The following GPC6 variants were observed in gnomAD, a reference collection of about 807,000 sequenced individuals.
GPC6 encodes the protein glypican 6.
GPC6 carries 14 observed loss-of-function variants against 55.2 expected under a neutral mutation model. The ratio of observed to expected loss-of-function variants is 0.25; its 90% CI spans 0.17 to 0.40. GPC6 has a LOEUF of 0.40. GPC6 is among the 10% of genes least tolerant of loss of function. GPC6 has a pLI of 1.00. For synonymous variants in GPC6, 278 were observed against 259.6 expected (o/e 1.07, Z -0.68); for missense variants, 641 against 708.5 (o/e 0.90, Z 1.08).
intron 1 of GPC6, among the ~76,000 whole-genome samples, chr13:93,533,037 G>A (rs1219737801): frequency 6.6e-6 from 1 of 152,206 alleles, no homozygotes; most frequent in Non-Finnish European, 1.5e-5. Context: ...AAAGTTGGAA[G>A]ATTTCTGATT....
intron 3 of GPC6, among the ~76,000 whole-genome samples, chr13:93,971,197 T>C (rs1210235663): frequency 6.6e-6 from 1 of 152,218 alleles, no homozygotes; most frequent in Non-Finnish European, 1.5e-5. Flanking sequence ...ACTCTTTTAC[T>C]TTACATGACT....
chr13:94,212,017 T>TA (rs1262325954), intron 4 of GPC6, among the ~76,000 whole-genome samples: 2 of 152,194 alleles, frequency 1.3e-5, no homozygotes, highest in African/African-American at 4.8e-5. Flanking sequence ...TCTCGTTGTC[T>TA]AAAAAAATCA....
intron 2 of GPC6, among the ~76,000 whole-genome samples, chr13:93,591,743 A>G (rs894578158): frequency 2.0e-5 from 3 of 152,212 alleles, no homozygotes; most frequent in Non-Finnish European, 4.4e-5. Context: ...AATAAAACAT[A>G]GAGATATTTC....
At chr13:94,284,900 T>C (rs1384299792) in intron 4 of GPC6, among the ~76,000 whole-genome samples, 1 of 151,694 alleles carries the variant, frequency 6.6e-6, no homozygotes, top group African/African-American at 2.4e-5. Flanking sequence ...AAATCTACCC[T>C]CAGCAAATTT....
intron 1 of GPC6, among the ~76,000 whole-genome samples, chr13:93,324,912 C>T (rs986783613): frequency 2.0e-4 from 31 of 151,962 alleles, no homozygotes; most frequent in African/African-American, 7.5e-4. Context: ...TTAGGCCCCT[C>T]TAGTAGGAAT....
Position 93,561,702 on chromosome 13 carries a change from C to CT in GPC6, c.319+16281_319+16282insT, listed in dbSNP as rs1404373487. 2.0e-5 allele frequency among the ~76,000 whole-genome samples: 3 copies of CT among 152,094 alleles called. No homozygotes were observed. The East Asian group carries it at 5.8e-4, about 29-fold the overall frequency. On this transcript the variant is annotated intron_variant, in intron 2 of 8. Coordinates refer to ENST00000377047, the MANE Select transcript of GPC6 (RefSeq NM_005708.5). ...ACTCTCTAGTTTGCATTCCCCCAAC[C>CT]CCCAGTTGGAGATAGTCATATGTGT...
At chr13:93,483,039 G>A (rs1357098405) in intron 1 of GPC6, among the ~76,000 whole-genome samples, 1 of 152,100 alleles carries the variant, frequency 6.6e-6, no homozygotes, top group Non-Finnish European at 1.5e-5. Context: ...TGACAGACAG[G>A]CACTCATCCT....
chr13:94,164,318 AT>A, intron 4 of GPC6, among the ~76,000 whole-genome samples: 1 of 151,952 alleles, frequency 6.6e-6, no homozygotes, highest in Middle Eastern at 3.4e-3. Context: ...CATCACCTTT[AT>A]TTTTTTTCTT....
At chr13:93,931,162 G>A (rs1878150279) in intron 3 of GPC6, among the ~76,000 whole-genome samples, 1 of 152,102 alleles carries the variant, frequency 6.6e-6, no homozygotes, top group African/African-American at 2.4e-5. Flanking sequence ...ATTTGATGGG[G>A]ACACAAATCC....
intron 2 of GPC6, among the ~76,000 whole-genome samples, chr13:93,628,491 G>GT (rs1339373953): frequency 6.6e-6 from 1 of 152,184 alleles, no homozygotes; most frequent in Non-Finnish European, 1.5e-5. Context: ...TTGTAGCTGT[G>GT]TAAGTATTTC....
intron 3 of GPC6, among the ~76,000 whole-genome samples, chr13:94,013,863 G>T (rs1882349225): frequency 6.6e-6 from 1 of 152,190 alleles, no homozygotes; most frequent in Admixed American, 6.5e-5. Flanking sequence ...ACAGTTATTA[G>T]ATAGGCAAAT....
At chr13:93,596,261 C>A (rs1232373553) in intron 2 of GPC6, among the ~76,000 whole-genome samples, 1 of 151,964 alleles carries the variant, frequency 6.6e-6, no homozygotes, top group Non-Finnish European at 1.5e-5. Flanking sequence ...ATAGAGTGTT[C>A]GTGTGCTGGA....
At chr13:94,337,781 G>T (rs1380348829) in intron 6 of GPC6, among the ~76,000 whole-genome samples, 1 of 152,140 alleles carries the variant, frequency 6.6e-6, no homozygotes, top group Non-Finnish European at 1.5e-5. Context: ...AAAGTAATCA[G>T]ATCTACATTT....
At chr13:93,343,052 C>G (rs1229643531) in intron 1 of GPC6, among the ~76,000 whole-genome samples, 1 of 152,092 alleles carries the variant, frequency 6.6e-6, no homozygotes, top group Non-Finnish European at 1.5e-5. Context: ...CTTATCTTTA[C>G]TCAATGCACT....
intron 2 of GPC6, among the ~76,000 whole-genome samples, chr13:93,731,600 G>A (rs1883822568): frequency 6.6e-6 from 1 of 152,074 alleles, no homozygotes; most frequent in South Asian, 2.1e-4. Context: ...AGTTACTAAA[G>A]TATTCACTTT....
chr13:93,356,012 C>G (rs867524155), intron 1 of GPC6, among the ~76,000 whole-genome samples: 38 of 151,978 alleles, frequency 2.5e-4, no homozygotes, highest in African/African-American at 7.7e-4. Context: ...AATAGAGACG[C>G]CATGAGGAAG....
intron 4 of GPC6, among the ~76,000 whole-genome samples, chr13:94,103,336 G>A (rs1454349051): frequency 6.6e-6 from 1 of 151,986 alleles, no homozygotes; most frequent in East Asian, 1.9e-4. Flanking sequence ...GAATAGCCCC[G>A]CAGTACAAAT....
At position 93,227,519 on chromosome 13, in the gene GPC6, C is replaced by G; in HGVS notation, c.63C>G (p.Ala21=). ...PLLGLLLSLP[A]GADVKARSCG... is the part of the protein sequence containing the mutation. ...TGGGGCTGCTGCTCTCCCTCCCCGCCGGGGCGGATGTGAAGGCTCGGAGCT... is the reference window on the plus strand; with the variant it reads ...TGGGGCTGCTGCTCTCCCTCCCCGCGGGGGCGGATGTGAAGGCTCGGAGCT... Residue 21 remains alanine, a synonymous_variant, in exon 1 of 9, where the codon GCC becomes GCG. Transcript: ENST00000377047. This position sits in a 1 kb window ranked among gnomAD's most constrained non-coding sequence, Gnocchi z 4.3. 4 of 1,613,830 alleles carry G rather than the reference C, an allele frequency of 2.5e-6. No homozygotes were observed. The highest frequency in any genetic ancestry group is 3.4e-6 in the Non-Finnish European group (4 of 1,179,798).
At chr13:93,625,963 A>C (rs1879182645) in intron 2 of GPC6, among the ~76,000 whole-genome samples, 1 of 152,168 alleles carries the variant, frequency 6.6e-6, no homozygotes, top group Non-Finnish European at 1.5e-5. Context: ...CTAATACTCA[A>C]GTACAGTCAG....
Sources: gnomAD v4.1 joint callset for allele counts (sites outside exome capture counted in the v4.1 genomes callset) on GRCh38, gnomAD v4.1.1 for gene constraint, Gnocchi (gnomAD v3.1) non-coding constraint, MANE v1.5 for transcripts, NCBI Gene and HGNC (gene_info 2026-07-23, HGNC 2026-07-21) for gene names.